The following UBE2N variants were observed in gnomAD, a reference collection of about 807,000 sequenced individuals.
The protein encoded by UBE2N is ubiquitin conjugating enzyme E2 N, also known as ubiquitin-conjugating enzyme E2 N.
For missense variants in UBE2N, 60 were observed against 192.1 expected, an observed-to-expected ratio of 0.31 and a Z score of 4.07; for synonymous variants, 70 against 69.2, an observed-to-expected ratio of 1.01 and a Z score of -0.06.
At chr12:93,425,673 GC>G (rs1251113148) in intron 1 of UBE2N, among the ~76,000 whole-genome samples, 5 of 152,160 alleles carry the variant, frequency 3.3e-5, no homozygotes, top group African/African-American at 1.2e-4. Context: ...AGTAGGCCTA[GC>G]CAAGCAGTGA....
In UBE2N at chr12:93,415,391, AAT is replaced by A. The variant is rs1455642390; in HGVS notation, c.31-4094_31-4093del. Among the ~76,000 whole-genome samples, 3 of 152,246 alleles carry A rather than the reference AAT, an allele frequency of 2.0e-5. No homozygotes were observed. The East Asian group carries it at 5.8e-4, about 29-fold the overall frequency. ...AATTAAACCCATGGCCATTTTAGGT[AAT>A]GTCTCTGGTATTTTAAGACTAGTTT... On this transcript the variant is annotated intron_variant, in intron 1 of 3. Transcript: ENST00000318066.
intron 1 of UBE2N, among the ~76,000 whole-genome samples, chr12:93,413,528 G>A (rs1013475052): frequency 6.6e-6 from 1 of 152,006 alleles, no homozygotes; most frequent in African/African-American, 2.4e-5. Flanking sequence ...ACTCTTGAAT[G>A]TCTAATAAGC....
intron 1 of UBE2N, 63 bp downstream of exon 1, chr12:93,441,792 C>G: frequency 1.3e-6 from 2 of 1,566,182 alleles, no homozygotes; most frequent in Non-Finnish European, 1.7e-6. Context: ...AGAGGCCGCG[C>G]TGCCTGCCCA....
At position 93,424,902 on chromosome 12, in the gene UBE2N, G is replaced by T. The variant is rs555927751; in HGVS notation, c.31-13603C>A. ...CACAAAATCTATGCCTCACTTCAGA[G>T]AGTTATATTTAATGTTATCTATTTT... On this transcript the variant is annotated intron_variant, in intron 1 of 3. Transcript: ENST00000318066. 7.2e-5 allele frequency among the ~76,000 whole-genome samples: 11 copies of T among 152,306 alleles called. No homozygotes were observed. In the East Asian group the frequency reaches 9.6e-4, roughly 13 times the overall value.
chr12:93,416,373 G>A (rs1446193445), intron 1 of UBE2N, among the ~76,000 whole-genome samples: 1 of 151,996 alleles, frequency 6.6e-6, no homozygotes, highest in African/African-American at 2.4e-5. Flanking sequence ...CTATTCTTTG[G>A]TGGAAAGACA....
At position 93,416,857 on chromosome 12, in the gene UBE2N, C is replaced by CAAAA. The variant is rs4020452; in HGVS notation, c.31-5562_31-5559dup. Among the ~76,000 whole-genome samples the CAAAA allele has an allele frequency of 1.7e-3, 153 of 88,540 alleles. 2 individuals carry two copies. The highest frequency in any genetic ancestry group is 4.2e-3 in the African/African-American group (112 of 26,908). 58.1% of individuals were successfully genotyped at this position (88,540 alleles called of 152,430 possible). A position where few individuals can be genotyped will look rare whatever the true frequency, so the allele number is the denominator to read the frequency against. On this transcript the variant is annotated intron_variant, in intron 1 of 3. Transcript: ENST00000318066. ...AAGCATAGTGAGACCCCATCACTAC[C>CAAAA]AAAAAAAAAAAAAAAAAAAAGTTGA... is the stretch of plus-strand genomic sequence containing the variant.
chr12:93,413,241 A>C (rs954085795), intron 1 of UBE2N, among the ~76,000 whole-genome samples: 1 of 152,250 alleles, frequency 6.6e-6, no homozygotes, highest in Non-Finnish European at 1.5e-5. Flanking sequence ...AACTTCCTAT[A>C]AACATTCTCA....
chr12:93,430,631 C>T lies in UBE2N; in HGVS notation c.30+11224G>A, dbSNP rs186557002. 2.5e-3 allele frequency among the ~76,000 whole-genome samples: 381 copies of T among 151,794 alleles called. 5 individuals are homozygous for T. The highest frequency in any genetic ancestry group is 8.9e-3 in the African/African-American group (368 of 41,406). ...TCTGATTAAAAAAAACCAAGAAAAG[C>T]GGCAGGCTCAGTGGCTCACGCCTGT... On this transcript the variant is annotated intron_variant, in intron 1 of 3. Coordinates refer to ENST00000318066, the MANE Select transcript of UBE2N (RefSeq NM_003348.4).
chr12:93,432,310 C>T (rs76164143), intron 1 of UBE2N, among the ~76,000 whole-genome samples: 2,145 of 151,954 alleles, frequency 0.014, 53 homozygotes, highest in African/African-American at 0.049. Context: ...CAATGAATGT[C>T]CAATTAATTG....
chr12:93,416,857 C>CAAAAAAA (rs4020452), intron 1 of UBE2N, among the ~76,000 whole-genome samples: 46 of 88,510 alleles, frequency 5.2e-4, no homozygotes, highest in Non-Finnish European at 8.7e-4. Flanking sequence ...CCATCACTAC[C>CAAAAAAA]AAAAAAAAAA....
Position 93,430,721 on chromosome 12 carries a change from T to C in UBE2N, c.30+11134A>G, listed in dbSNP as rs566541908. ...TGAGCCCAGGAGTTCAAAACCAGCCTGAGCAACATAGGGAGACCCTGTCTC... is the reference window on the plus strand; with the variant it reads ...TGAGCCCAGGAGTTCAAAACCAGCCCGAGCAACATAGGGAGACCCTGTCTC... On this transcript the variant is annotated intron_variant, in intron 1 of 3. Coordinates refer to ENST00000318066, the MANE Select transcript of UBE2N (RefSeq NM_003348.4). Among the ~76,000 whole-genome samples the C allele has an allele frequency of 6.6e-4, 99 of 150,962 alleles. 2 individuals carry two copies. In the South Asian group the frequency reaches 0.02, roughly 31 times the overall value.
intron 1 of UBE2N, 119 bp downstream of exon 1, chr12:93,441,736 G>T: frequency 7.2e-7 from 1 of 1,390,648 alleles, no homozygotes; most frequent in Non-Finnish European, 9.6e-7. Flanking sequence ...ACCCCTCTCC[G>T]CGCCGCCTCG....
chr12:93,409,990 A>G lies in UBE2N; in HGVS notation c.*49T>C. The G allele has an allele frequency of 1.3e-6, 2 of 1,582,624 alleles. No homozygotes were observed. The highest frequency in any genetic ancestry group is 2.7e-5 in the African/African-American group (2 of 74,346). ...CATTAAATGCAAACAAAGAGGAGGA[A>G]GTCTTGGCAGAACAGGAGAAGTGAT... On this transcript the variant is annotated 3_prime_UTR_variant, in exon 4 of 4. Transcript: ENST00000318066.
At position 93,409,427 on chromosome 12, in the gene UBE2N, T is replaced by C. The variant is rs1423107685; in HGVS notation, c.*612A>G. 3 of 166,918 alleles carry C rather than the reference T, an allele frequency of 1.8e-5. No homozygotes were observed. 10.3% of individuals were successfully genotyped at this position (166,918 alleles called of 1,614,324 possible). A position where few individuals can be genotyped will look rare whatever the true frequency, so the allele number is the denominator to read the frequency against. On this transcript the variant is annotated 3_prime_UTR_variant, in exon 4 of 4. Coordinates refer to ENST00000318066, the MANE Select transcript of UBE2N (RefSeq NM_003348.4). ...TTTCCAGACAAGCCATACAAAATGGTCACAAGCTTTTTTTGAAGGGGGGAA... is the reference window on the plus strand; with the variant it reads ...TTTCCAGACAAGCCATACAAAATGGCCACAAGCTTTTTTTGAAGGGGGGAA...
intron 1 of UBE2N, among the ~76,000 whole-genome samples, chr12:93,441,509 G>C (rs1422195333): frequency 8.2e-6 from 1 of 122,070 alleles, no homozygotes; most frequent in Admixed American, 7.4e-5. Flanking sequence ...GGCCTCCGGC[G>C]GGGGGGTGGT....
At position 93,408,528 on chromosome 12, in the gene UBE2N, T is replaced by C. The variant is rs1391496123; in HGVS notation, c.*1511A>G. 2 of 152,152 alleles carry C rather than the reference T, an allele frequency of 1.3e-5. No individual in the cohort carries two copies. Among genetic ancestry groups the C allele is most frequent in the African/African-American group, 4.8e-5 (2 of 41,430 alleles). 9.4% of individuals were successfully genotyped at this position (152,152 alleles called of 1,614,324 possible). The stretch of plus-strand genomic sequence containing the variant: ...TTACCTTAAACTGCAAGAGACAAGG[T>C]TGCAACCCGAAGGTTAACATTTATG... On this transcript the variant is annotated 3_prime_UTR_variant, in exon 4 of 4. Coordinates refer to ENST00000318066, the MANE Select transcript of UBE2N (RefSeq NM_003348.4).
At chr12:93,413,735 T>G (rs1878107013) in intron 1 of UBE2N, among the ~76,000 whole-genome samples, 1 of 152,160 alleles carries the variant, frequency 6.6e-6, no homozygotes, top group South Asian at 2.1e-4. Flanking sequence ...TTCTCACCAT[T>G]CCACTGCTAC....
intron 1 of UBE2N, among the ~76,000 whole-genome samples, chr12:93,435,481 GA>G (rs760702678): frequency 6.8e-6 from 1 of 147,674 alleles, no homozygotes; most frequent in African/African-American, 2.5e-5. Flanking sequence ...CTCAAAATAA[GA>G]AAAAAAAAAT....
intron 1 of UBE2N, among the ~76,000 whole-genome samples, chr12:93,418,879 C>T (rs186042391): frequency 4.6e-5 from 7 of 152,230 alleles, no homozygotes; most frequent in Non-Finnish European, 1.0e-4. Flanking sequence ...GTGCAAATTA[C>T]ACTTGTAGCA....
Sources: gnomAD v4.1 joint callset for allele counts (sites outside exome capture counted in the v4.1 genomes callset) on GRCh38, gnomAD v4.1.1 for gene constraint, MANE v1.5 for transcripts, NCBI Gene and HGNC (gene_info 2026-07-23, HGNC 2026-07-21) for gene names.